DMD: variants seen among roughly 807,000 people sequenced by gnomAD.
The protein encoded by DMD is dystrophin.
A neutral mutation model predicts 330.1 loss-of-function variants in DMD; 63 were observed. The observed-to-expected ratio is 0.19, with a 90% CI of 0.16 to 0.24. The LOEUF is 0.24. DMD is among the 10% of genes least tolerant of loss of function. DMD has a pLI of 1.00. For synonymous variants in DMD, 1,223 were observed against 959.8 expected, an observed-to-expected ratio of 1.27 and a Z score of -5.07; for missense variants, 3,344 against 2,684.1, an observed-to-expected ratio of 1.25 and a Z score of -5.43.
intron 44 of DMD, among the ~76,000 whole-genome samples, chrX:32,024,581 T>C (rs1298061171): frequency 9.1e-6 from 1 of 109,811 alleles, no homozygotes; most frequent in African/African-American, 3.3e-5. Context: ...CAGCATAACA[T>C]ATGGTCAGAA....
At chrX:32,398,241 C>A in intron 30 of DMD, among the ~76,000 whole-genome samples, 1 of 100,021 alleles carries the variant, frequency 1.0e-5, no homozygotes, top group African/African-American at 4.0e-5. Flanking sequence ...ATTCACACAG[C>A]TTTGTACTAC....
chrX:31,219,876 C>A (rs757097849), intron 64 of DMD, among the ~76,000 whole-genome samples: 1 of 74,261 alleles, frequency 1.3e-5, no homozygotes, highest in African/African-American at 4.1e-5. Flanking sequence ...ACATATTGTG[C>A]CACATAATGA....
chrX:32,413,201 C>T (rs1372039943), intron 29 of DMD, among the ~76,000 whole-genome samples: 1 of 110,867 alleles, frequency 9.0e-6, no homozygotes, highest in Non-Finnish European at 1.9e-5. Context: ...GATCTCCATA[C>T]TTGCATGTTA....
intron 62 of DMD, among the ~76,000 whole-genome samples, chrX:31,306,814 G>A (rs941157211): frequency 3.6e-5 from 4 of 111,563 alleles, no homozygotes; most frequent in African/African-American, 1.3e-4. Flanking sequence ...AGGTGTTCAC[G>A]ATGGAACTAA....
Position 31,194,698 on chromosome X carries a change from G to A in DMD, c.9807+9263C>T, listed in dbSNP as rs552669974. ...CAAAATAAAACGTTGGTTGGAAACCGTTATTTCTCCCAAGTCACCCCTTCA... is the reference window on the plus strand; with the variant it reads ...CAAAATAAAACGTTGGTTGGAAACCATTATTTCTCCCAAGTCACCCCTTCA... On this transcript the variant is annotated intron_variant, in intron 67 of 78. Transcript: ENST00000357033. Among the ~76,000 whole-genome samples the A allele has an allele frequency of 1.3e-4, 15 of 112,131 alleles. No individual in the cohort carries two copies. The South Asian group carries it at 1.9e-3, about 14-fold the overall frequency.
At chrX:32,538,851 T>C (rs2048233856) in intron 17 of DMD, among the ~76,000 whole-genome samples, 1 of 111,119 alleles carries the variant, frequency 9.0e-6, no homozygotes, top group Non-Finnish European at 1.9e-5. Context: ...TTTTATGGTG[T>C]ATAAGTATCA....
At chrX:32,360,332 C>A (rs1400331236) in intron 37 of DMD, among the ~76,000 whole-genome samples, 1 of 111,900 alleles carries the variant, frequency 8.9e-6, no homozygotes, top group African/African-American at 3.2e-5. Context: ...GTCAGATATG[C>A]TTTATTTCTG....
At chrX:32,777,030 C>T (rs986190725) in intron 7 of DMD, among the ~76,000 whole-genome samples, 2 of 106,814 alleles carry the variant, frequency 1.9e-5, no homozygotes, top group Non-Finnish European at 3.8e-5. Flanking sequence ...TTTTATAGGG[C>T]GTGAGGCCTA....
At chrX:32,191,184 C>G (rs1278020307) in intron 44 of DMD, among the ~76,000 whole-genome samples, 2 of 111,254 alleles carry the variant, frequency 1.8e-5, no homozygotes, top group East Asian at 5.6e-4. Flanking sequence ...CAAATGTCAC[C>G]CCCCACTTTA....
Position 32,485,091 on chromosome X carries a change from G to T in DMD, c.2631C>A (p.Val877=). ...GAGGTTGAAGATCTGATAGCCGGTT[G>T]ACTTCATCCTGTGCCATAGAGTATG... ...KSQLKICKDE[V]NRLSDLQPQI... Residue 877 remains valine, a synonymous_variant, in exon 21 of 79, where the codon GTC becomes GTA. Coordinates refer to ENST00000357033, the MANE Select transcript of DMD (RefSeq NM_004006.3). 8.3e-7 allele frequency: 1 copy of T among 1,208,801 alleles called. No homozygotes were observed.
Position 31,178,697 on chromosome X carries a change from T to C in DMD, c.10195A>G (p.Thr3399Ala), listed in dbSNP as rs1370666237. ...TCCATGTTGTCCCCCTCTAAGACAG[T>C]CTGCACTGGCAGGTAGCCCATTCGG... ...HPRMGYLPVQTVLEGDNMETP... is the reference protein window; with the variant it reads ...HPRMGYLPVQAVLEGDNMETP... The change falls in exon 70 of 79, where the codon ACT (threonine) becomes GCT (alanine). Residue 3399 changes from threonine (T) to alanine (A), a missense_variant. Thr to Ala is a moderately conservative substitution (Grantham distance 58). Transcript: ENST00000357033. The C allele has an allele frequency of 8.3e-7, 1 of 1,211,419 alleles. No homozygotes were observed.
intron 45 of DMD, among the ~76,000 whole-genome samples, chrX:31,955,003 C>CAAAA (rs530305580): frequency 5.0e-5 from 3 of 60,276 alleles, no homozygotes; most frequent in Admixed American, 2.1e-4. Flanking sequence ...CTGCCTCTAC[C>CAAAA]AAAAAAAAAA....
intron 51 of DMD, among the ~76,000 whole-genome samples, chrX:31,769,053 T>C (rs2090176334): frequency 8.9e-6 from 1 of 112,323 alleles, no homozygotes; most frequent in South Asian, 3.7e-4. Context: ...AATAATACTT[T>C]AATCAAGCAA....
rs1351313240 is a variant in DMD at position 31,836,768 on chromosome X, A to G, written c.7150T>C (p.Ser2384Pro). The change falls in exon 49 of 79, where the codon TCT (serine) becomes CCT (proline). Residue 2384 changes from serine (S) to proline (P), a missense_variant. Coordinates refer to ENST00000357033, the MANE Select transcript of DMD (RefSeq NM_004006.3). ...AKQPDVEEIL[S>P]KGQHLYKEKP... ...TCCTTGTACAAATGCTGCCCTTTAG[A>G]CAAAATCTCTTCCACATCCGGTTGT... 2 of 1,210,267 alleles carry G rather than the reference A, an allele frequency of 1.7e-6. No individual in the cohort carries two copies. The highest frequency in any genetic ancestry group is 3.5e-5 in the African/African-American group (2 of 57,300).
At chrX:32,176,080 C>T (rs2096905512) in intron 44 of DMD, among the ~76,000 whole-genome samples, 1 of 111,891 alleles carries the variant, frequency 8.9e-6, no homozygotes, top group Admixed American at 9.5e-5. Flanking sequence ...TAAGCTGTCC[C>T]TTGTGCCCGG....
chrX:31,909,477 G>A (rs2094519763), intron 47 of DMD, among the ~76,000 whole-genome samples: 1 of 104,644 alleles, frequency 9.6e-6, no homozygotes, highest in Admixed American at 1.0e-4. Flanking sequence ...GTCAGGTGAA[G>A]CTGCTAGGTC....
chrX:32,559,202 C>A (rs2050718421), intron 16 of DMD, among the ~76,000 whole-genome samples: 1 of 109,764 alleles, frequency 9.1e-6, no homozygotes, highest in African/African-American at 3.3e-5. Flanking sequence ...ATTTGCCTGC[C>A]TTGTCCTCCC....
chrX:31,434,102 C>T (rs1049871394), intron 60 of DMD, among the ~76,000 whole-genome samples: 2 of 110,939 alleles, frequency 1.8e-5, no homozygotes, highest in African/African-American at 6.6e-5. Flanking sequence ...TATAGATTTT[C>T]GTAAGTGCTG....
At chrX:32,485,590 A>G (rs890136623) in intron 20 of DMD, among the ~76,000 whole-genome samples, 2 of 109,122 alleles carry the variant, frequency 1.8e-5, no homozygotes, top group African/African-American at 6.6e-5. Context: ...ATTTTGATAC[A>G]ATTATATAGA....
Sources: allele counts gnomAD v4.1 joint callset (sites outside exome capture counted in the v4.1 genomes callset), GRCh38; gene constraint gnomAD v4.1.1; transcripts MANE v1.5; gene names NCBI Gene and HGNC (gene_info 2026-07-23, HGNC 2026-07-21).